CHRM3: variants seen among roughly 807,000 people sequenced by gnomAD.
The protein encoded by CHRM3 is muscarinic acetylcholine receptor M3.
In CHRM3, 11 loss-of-function variants were observed where a neutral mutation model predicts 41.8. That is an observed-to-expected ratio of 0.26 (90% CI 0.17 to 0.44). CHRM3 has a LOEUF of 0.44. Ranked by LOEUF, CHRM3 falls within the 20% of genes least tolerant of loss-of-function variation. The pLI is 1.00. For missense variants in CHRM3, 571 were observed against 745.4 expected (o/e 0.77, Z 2.72); for synonymous variants, 297 against 301.4 (o/e 0.99, Z 0.15).
intron 6 of CHRM3, among the ~76,000 whole-genome samples, chr1:239,866,797 C>T (rs886793137): frequency 3.3e-5 from 5 of 152,156 alleles, no homozygotes; most frequent in African/African-American, 7.2e-5. Flanking sequence ...TTAAAATTGC[C>T]TATAAAAGTA....
chr1:239,631,457 A>G lies in CHRM3; in HGVS notation c.-312-767A>G, dbSNP rs988914830. Among the ~76,000 whole-genome samples the G allele has an allele frequency of 3.3e-5, 5 of 152,298 alleles. No homozygotes were observed. The East Asian group carries it at 9.7e-4, about 29-fold the overall frequency. On this transcript the variant is annotated intron_variant, in intron 3 of 6. Coordinates refer to ENST00000676153, the MANE Select transcript of CHRM3 (RefSeq NM_001375978.1). ...TCAAGGTCCTCCTTTAAAAAATTCA[A>G]TCACACCTTATCAGGAGATCTCATC...
Position 239,914,953 on chromosome 1 carries a change from G to A in CHRM3, c.*5729G>A, listed in dbSNP as rs1374468424. On this transcript the variant is annotated 3_prime_UTR_variant, in exon 7 of 7. Coordinates refer to ENST00000676153, the MANE Select transcript of CHRM3 (RefSeq NM_001375978.1). ...CCTCTGGGCGTCTGCTTAGAGCTAT[G>A]TGATGGCCACAGTTTGGGCAAAGCC... 5 of 167,104 alleles carry A rather than the reference G, an allele frequency of 3.0e-5. No homozygotes were observed. In the East Asian group the frequency reaches 9.6e-4, roughly 32 times the overall value. 10.4% of individuals were successfully genotyped at this position (167,104 alleles called of 1,614,324 possible). A position where few individuals can be genotyped will look rare whatever the true frequency, so the allele number is the denominator to read the frequency against.
intron 6 of CHRM3, among the ~76,000 whole-genome samples, chr1:239,902,922 A>G (rs1679691675): frequency 6.6e-6 from 1 of 152,206 alleles, no homozygotes; most frequent in African/African-American, 2.4e-5. Context: ...AAAGGACTGG[A>G]ACATTTTTAA....
chr1:239,670,436 A>T (rs1197789781), intron 4 of CHRM3, among the ~76,000 whole-genome samples: 1 of 152,172 alleles, frequency 6.6e-6, no homozygotes, highest in African/African-American at 2.4e-5. Flanking sequence ...ATCACTTTGT[A>T]TTGCATCTTT....
Position 239,760,476 on chromosome 1 carries a change from TC to T in CHRM3, c.-146-66775del, listed in dbSNP as rs199986109. Among the ~76,000 whole-genome samples the T allele has an allele frequency of 8.7e-3, 1,325 of 152,286 alleles. 11 individuals carry two copies. The highest frequency in any genetic ancestry group is 0.017 in the Middle Eastern group (5 of 294). ...TCACCTGATGACCAACCTTGCCTGT[TC>T]GTCTACCTTTTTGCGTGGTCTTCTT... On this transcript the variant is annotated intron_variant, in intron 5 of 6. Transcript: ENST00000676153.
Position 239,687,958 on chromosome 1 carries a change from G to A in CHRM3, c.-147+9670G>A, listed in dbSNP as rs549803650. On this transcript the variant is annotated intron_variant, in intron 5 of 6. Transcript: ENST00000676153. Reference sequence around the variant, plus strand: ...ACATTTCTTAGAACATGTTAATGTCGCTAAGTGATGCATGGATGTATGTTC... The same window carrying A: ...ACATTTCTTAGAACATGTTAATGTCACTAAGTGATGCATGGATGTATGTTC... Among the ~76,000 whole-genome samples the A allele has an allele frequency of 3.3e-5, 5 of 151,992 alleles. No homozygotes were observed. The East Asian group carries it at 5.8e-4, about 18-fold the overall frequency.
rs1334270407 is a variant in CHRM3 at position 239,912,615 on chromosome 1, A to T, written c.*3391A>T. On this transcript the variant is annotated 3_prime_UTR_variant, in exon 7 of 7. Coordinates refer to ENST00000676153, the MANE Select transcript of CHRM3 (RefSeq NM_001375978.1). Reference sequence around the variant, plus strand: ...GCTGGAGCACAGAGCTCTGATGCACAGTTGGCTGTTTCAGCTCTGACTCAG... The same window carrying T: ...GCTGGAGCACAGAGCTCTGATGCACTGTTGGCTGTTTCAGCTCTGACTCAG... The T allele has an allele frequency of 6.0e-6, 1 of 167,130 alleles. No homozygotes were observed. Among genetic ancestry groups the T allele is most frequent in the Non-Finnish European group, 1.5e-5 (1 of 68,176 alleles). The allele number at this position is 167,130 out of a possible 1,614,324, so 10.4% of individuals were successfully genotyped here. A position where few individuals can be genotyped will look rare whatever the true frequency, so the allele number is the denominator to read the frequency against.
At position 239,440,024 on chromosome 1, in the gene CHRM3, C is replaced by T. The variant is rs150033437; in HGVS notation, c.-520-52685C>T. Reference sequence around the variant, plus strand: ...ACTAGCCTGACCAACATGGTGAAACCCTGTCTCTACTAAAAATATAAAAAT... The same window carrying T: ...ACTAGCCTGACCAACATGGTGAAACTCTGTCTCTACTAAAAATATAAAAAT... On this transcript the variant is annotated intron_variant, in intron 1 of 6. Coordinates refer to ENST00000676153, the MANE Select transcript of CHRM3 (RefSeq NM_001375978.1). Among the ~76,000 whole-genome samples the T allele has an allele frequency of 4.8e-4, 73 of 151,544 alleles. No homozygotes were observed. The East Asian group carries it at 0.011, about 23-fold the overall frequency.
intron 5 of CHRM3, among the ~76,000 whole-genome samples, chr1:239,715,624 G>A (rs1572075930): frequency 6.6e-6 from 1 of 152,128 alleles, no homozygotes; most frequent in South Asian, 2.1e-4. Context: ...TGAGAAGTGG[G>A]ATTGCTAATA....
chr1:239,641,054 G>T (rs565406997), intron 4 of CHRM3, among the ~76,000 whole-genome samples: 23 of 152,276 alleles, frequency 1.5e-4, no homozygotes, highest in Admixed American at 3.9e-4. Flanking sequence ...AGGTTGTTCA[G>T]TTTAATGTAG....
chr1:239,453,049 C>A (rs1664674197), intron 1 of CHRM3, among the ~76,000 whole-genome samples: 1 of 152,196 alleles, frequency 6.6e-6, no homozygotes, highest in Non-Finnish European at 1.5e-5. Flanking sequence ...ATCCGCCCGC[C>A]TCAGCCTCCC....
chr1:239,388,986 C>T (rs1338391300), intron 1 of CHRM3, among the ~76,000 whole-genome samples: 1 of 152,098 alleles, frequency 6.6e-6, no homozygotes, highest in East Asian at 1.9e-4. Context: ...ATGACATTGC[C>T]GGTCGGATTT....
chr1:239,534,733 T>A (rs986966693), intron 2 of CHRM3, among the ~76,000 whole-genome samples: 1 of 152,232 alleles, frequency 6.6e-6, no homozygotes, highest in South Asian at 2.1e-4. Flanking sequence ...AAGGTTATTA[T>A]GAAGATTAAA....
intron 2 of CHRM3, among the ~76,000 whole-genome samples, chr1:239,512,199 G>T (rs1262363597): frequency 6.6e-6 from 1 of 152,170 alleles, no homozygotes; most frequent in Admixed American, 6.5e-5. Flanking sequence ...TTCACTCTTG[G>T]ATAGCCAGAC....
At chr1:239,507,993 A>C (rs1339438102) in intron 2 of CHRM3, among the ~76,000 whole-genome samples, 1 of 152,250 alleles carries the variant, frequency 6.6e-6, no homozygotes, top group African/African-American at 2.4e-5. Context: ...TTTCAAGCAC[A>C]GAGCTATGGA....
At chr1:239,665,724 C>T (rs1159987126) in intron 4 of CHRM3, among the ~76,000 whole-genome samples, 2 of 152,160 alleles carry the variant, frequency 1.3e-5, no homozygotes, top group East Asian at 1.9e-4. Context: ...CCTGTGTCCA[C>T]GTGTTCTCAT....
intron 2 of CHRM3, among the ~76,000 whole-genome samples, chr1:239,503,017 T>C (rs1421868903): frequency 6.6e-6 from 1 of 152,142 alleles, no homozygotes; most frequent in Admixed American, 6.5e-5. Flanking sequence ...GGATGCCCAC[T>C]CTCACCACTC....
chr1:239,548,954 T>TA (rs1558309719), intron 3 of CHRM3, among the ~76,000 whole-genome samples: 1 of 152,128 alleles, frequency 6.6e-6, no homozygotes. Context: ...ATTTACAAAA[T>TA]AAAGAGGTTT....
intron 5 of CHRM3, among the ~76,000 whole-genome samples, chr1:239,687,596 A>C (rs1659267554): frequency 6.6e-6 from 1 of 152,268 alleles, no homozygotes; most frequent in Non-Finnish European, 1.5e-5. Flanking sequence ...TATAAATGTG[A>C]CATGTTTTAA....
Sources: gnomAD v4.1 joint callset for allele counts (sites outside exome capture counted in the v4.1 genomes callset) on GRCh38, gnomAD v4.1.1 for gene constraint, MANE v1.5 for transcripts, NCBI Gene and HGNC (gene_info 2026-07-23, HGNC 2026-07-21) for gene names.